The following RABGAP1L variants were observed in gnomAD, a reference collection of about 807,000 sequenced individuals.
The protein encoded by RABGAP1L is RAB GTPase activating protein 1 like, also known as rab GTPase-activating protein 1-like.
A neutral mutation model predicts 137.7 loss-of-function variants in RABGAP1L; 63 were observed. That is an observed-to-expected ratio of 0.46 (90% confidence interval 0.37 to 0.56). The LOEUF is 0.56. Ranked by LOEUF, RABGAP1L falls within the 20% of genes least tolerant of loss-of-function variation. RABGAP1L has a pLI of 0.00. For synonymous variants in RABGAP1L, 431 were observed against 433.7 expected (o/e 0.99, Z 0.08); for missense variants, 1,095 against 1,244.0 (o/e 0.88, Z 1.80).
At chr1:174,986,792 G>A (rs1422479090) in intron 24 of RABGAP1L, among the ~76,000 whole-genome samples, 7 of 152,196 alleles carry the variant, frequency 4.6e-5, no homozygotes, top group Non-Finnish European at 8.8e-5. Flanking sequence ...GCACATGGTG[G>A]TGTTCTCTTT....
chr1:174,279,281 A>T (rs1244753930), intron 10 of RABGAP1L, among the ~76,000 whole-genome samples: 5 of 152,146 alleles, frequency 3.3e-5, no homozygotes, highest in Non-Finnish European at 7.4e-5. Context: ...GGTTTCTATG[A>T]TATCCTCAAA....
chr1:174,339,204 A>G (rs988002178), intron 11 of RABGAP1L, among the ~76,000 whole-genome samples: 1 of 152,228 alleles, frequency 6.6e-6, no homozygotes, highest in African/African-American at 2.4e-5. Flanking sequence ...TCTTTAAAAA[A>G]TTAAAGTTTT....
At chr1:174,252,045 C>T (rs1004835825) in intron 6 of RABGAP1L, among the ~76,000 whole-genome samples, 4 of 152,024 alleles carry the variant, frequency 2.6e-5, no homozygotes, top group African/African-American at 9.7e-5. Flanking sequence ...TACAAGCATG[C>T]ACCACCACTC....
intron 18 of RABGAP1L, among the ~76,000 whole-genome samples, chr1:174,781,790 G>T (rs1573166083): frequency 6.6e-6 from 1 of 152,180 alleles, no homozygotes; most frequent in Non-Finnish European, 1.5e-5. Flanking sequence ...CATATGGCTA[G>T]CCAGTTTTCC....
At chr1:174,934,437 G>A (rs1664393180) in intron 19 of RABGAP1L, among the ~76,000 whole-genome samples, 1 of 152,032 alleles carries the variant, frequency 6.6e-6, no homozygotes, top group Admixed American at 6.6e-5. Flanking sequence ...ATGTAAGAAT[G>A]TACAGTTAAT....
At chr1:174,451,272 A>G (rs773592840) in intron 13 of RABGAP1L, among the ~76,000 whole-genome samples, 3 of 152,224 alleles carry the variant, frequency 2.0e-5, no homozygotes, top group Non-Finnish European at 2.9e-5. Context: ...CTTCTAAATT[A>G]TACATATTAT....
intron 21 of RABGAP1L, among the ~76,000 whole-genome samples, chr1:174,975,578 C>T (rs1670572513): frequency 6.6e-6 from 1 of 152,152 alleles, no homozygotes; most frequent in Admixed American, 6.5e-5. Context: ...GAATTTGCCA[C>T]CTAACTGTTG....
chr1:174,466,638 C>G (rs1012142722), intron 13 of RABGAP1L, among the ~76,000 whole-genome samples: 7 of 152,088 alleles, frequency 4.6e-5, no homozygotes, highest in Non-Finnish European at 1.0e-4. Context: ...AATACAAAAA[C>G]TAGCCAGGCG....
intron 14 of RABGAP1L, among the ~76,000 whole-genome samples, chr1:174,646,080 T>G (rs1674945981): frequency 6.6e-6 from 1 of 152,066 alleles, no homozygotes; most frequent in South Asian, 2.1e-4. Flanking sequence ...GTAAATTTGT[T>G]TAATTAAGTT....
chr1:174,977,457 G>A (rs1369627212), intron 22 of RABGAP1L, among the ~76,000 whole-genome samples: 4 of 152,098 alleles, frequency 2.6e-5, no homozygotes, highest in East Asian at 1.9e-4. Flanking sequence ...TACCTGCTCC[G>A]TGGTTCCATA....
intron 14 of RABGAP1L, among the ~76,000 whole-genome samples, chr1:174,645,256 A>C (rs1674868859): frequency 6.6e-6 from 1 of 152,012 alleles, no homozygotes; most frequent in Admixed American, 6.6e-5. Flanking sequence ...TTTCAATTAT[A>C]CTTTAAGTTC....
chr1:174,234,695 T>C (rs988352183), intron 4 of RABGAP1L, among the ~76,000 whole-genome samples: 1 of 150,666 alleles, frequency 6.6e-6, no homozygotes, highest in Non-Finnish European at 1.5e-5. Flanking sequence ...TGAAGTCAGG[T>C]AGTGTGATGC....
At chr1:174,474,760 G>A (rs1207571026) in intron 13 of RABGAP1L, among the ~76,000 whole-genome samples, 4 of 151,906 alleles carry the variant, frequency 2.6e-5, no homozygotes, top group African/African-American at 4.8e-5. Flanking sequence ...GCGTCACCAC[G>A]CCCAGCTAAT....
At chr1:174,499,213 A>G (rs1399206121) in intron 13 of RABGAP1L, among the ~76,000 whole-genome samples, 1 of 152,034 alleles carries the variant, frequency 6.6e-6, no homozygotes, top group Non-Finnish European at 1.5e-5. Context: ...TCTTGATTAA[A>G]TCTTTTACAG....
At chr1:174,426,976 A>C (rs1050269146) in intron 13 of RABGAP1L, among the ~76,000 whole-genome samples, 3 of 152,086 alleles carry the variant, frequency 2.0e-5, no homozygotes, top group Non-Finnish European at 4.4e-5. Flanking sequence ...GCAGAGCCAC[A>C]CTTATCAAAG....
intron 14 of RABGAP1L, among the ~76,000 whole-genome samples, chr1:174,679,498 C>T (rs547011682): frequency 4.1e-4 from 63 of 152,276 alleles, no homozygotes; most frequent in African/African-American, 1.4e-3. Flanking sequence ...CAATGTTTGA[C>T]TTCTAAGATC....
chr1:174,473,163 T>A (rs1658128361), intron 13 of RABGAP1L, among the ~76,000 whole-genome samples: 1 of 152,194 alleles, frequency 6.6e-6, no homozygotes, highest in South Asian at 2.1e-4. Flanking sequence ...AACATAATTT[T>A]AGGTTATATT....
At chr1:174,932,685 A>G (rs1664045561) in intron 19 of RABGAP1L, among the ~76,000 whole-genome samples, 2 of 152,054 alleles carry the variant, frequency 1.3e-5, no homozygotes, top group African/African-American at 4.8e-5. Context: ...TCCTAATAAA[A>G]CTTTCAATTT....
chr1:174,280,750 G>T (rs868090564), intron 10 of RABGAP1L, among the ~76,000 whole-genome samples: 1 of 152,224 alleles, frequency 6.6e-6, no homozygotes, highest in African/African-American at 2.4e-5. Flanking sequence ...TAGAGGCTGG[G>T]AAAGTAAACT....
Sources: gnomAD v4.1 joint callset for allele counts (sites outside exome capture counted in the v4.1 genomes callset) on GRCh38, gnomAD v4.1.1 for gene constraint, MANE v1.5 for transcripts, NCBI Gene and HGNC (gene_info 2026-07-23, HGNC 2026-07-21) for gene names.